The following RALGAPA2 variants were observed in gnomAD, a reference collection of about 807,000 sequenced individuals.
The protein encoded by RALGAPA2 is Ral GTPase activating protein catalytic subunit alpha 2, also known as ral GTPase-activating protein subunit alpha-2.
In RALGAPA2, 139 loss-of-function variants were observed where a neutral mutation model predicts 230.4. The observed-to-expected ratio is 0.60, with a 90% CI of 0.53 to 0.69. RALGAPA2 has a LOEUF of 0.69. RALGAPA2 is among the 30% of genes least tolerant of loss of function. The probability of loss-of-function intolerance (pLI) is 0.00; values close to 1 mark genes in which losing one functional copy is unlikely to be tolerated. For synonymous variants in RALGAPA2, 847 were observed against 837.8 expected (o/e 1.01, Z -0.19); for missense variants, 2,163 against 2,276.0 (o/e 0.95, Z 1.01).
chr20:20,625,048 C>G (rs1260216610), intron 10 of RALGAPA2, among the ~76,000 whole-genome samples: 1 of 152,136 alleles, frequency 6.6e-6, no homozygotes, highest in Non-Finnish European at 1.5e-5. Flanking sequence ...CTCCCTCTTG[C>G]TTTTCTGCCT....
At chr20:20,468,767 C>T (rs2061475713) in intron 37 of RALGAPA2, among the ~76,000 whole-genome samples, 1 of 152,086 alleles carries the variant, frequency 6.6e-6, no homozygotes, top group African/African-American at 2.4e-5. Context: ...GACCACCGTT[C>T]TATTCTTCTC....
At chr20:20,517,940 G>A (rs942889959) in intron 31 of RALGAPA2, among the ~76,000 whole-genome samples, 23 of 152,218 alleles carry the variant, frequency 1.5e-4, no homozygotes, top group Middle Eastern at 3.4e-3. Context: ...GATCACACTA[G>A]CTTCCTAGCA....
chr20:20,701,189 C>G (rs750861645), intron 1 of RALGAPA2, among the ~76,000 whole-genome samples: 15 of 152,168 alleles, frequency 9.9e-5, no homozygotes, highest in Non-Finnish European at 2.1e-4. Flanking sequence ...GAACAAGGTT[C>G]TTAACCTGTC....
In RALGAPA2 at chr20:20,437,010, G is replaced by A. The variant is rs1004742643; in HGVS notation, c.5496-24862C>T. On this transcript the variant is annotated intron_variant, in intron 37 of 39. Transcript: ENST00000202677. The surrounding 1 kb of genome is among the most constrained non-coding windows in gnomAD (Gnocchi z 4.1). ...GAGGCTCCGAGCTCTGAATGCTGCC[G>A]GTGGGACCTTGGCAAGGTCCCCATC... is the stretch of plus-strand genomic sequence containing the variant. Among the ~76,000 whole-genome samples the A allele has an allele frequency of 1.4e-4, 22 of 152,202 alleles. No homozygotes were observed. Among genetic ancestry groups the A allele is most frequent in the African/African-American group, 4.3e-4 (18 of 41,450 alleles).
At chr20:20,659,095 C>A (rs546178700) in intron 3 of RALGAPA2, among the ~76,000 whole-genome samples, 1 of 152,280 alleles carries the variant, frequency 6.6e-6, no homozygotes, top group East Asian at 1.9e-4. Context: ...TTTAAAAGAA[C>A]AGAGGTCTTA....
chr20:20,470,665 G>GA (rs1467500784), intron 37 of RALGAPA2, among the ~76,000 whole-genome samples: 1 of 151,968 alleles, frequency 6.6e-6, no homozygotes, highest in Non-Finnish European at 1.5e-5. Flanking sequence ...CAAAAAATAG[G>GA]AAAAAATGCC....
chr20:20,656,247 GA>G (rs1333133689), intron 3 of RALGAPA2, among the ~76,000 whole-genome samples: 1 of 152,202 alleles, frequency 6.6e-6, no homozygotes, highest in Non-Finnish European at 1.5e-5. Flanking sequence ...CGAATCCAAG[GA>G]GAAATCTTTG....
At chr20:20,611,227 T>C in intron 14 of RALGAPA2, 88 bp downstream of exon 14, 15 of 1,445,116 alleles carry the variant, frequency 1.0e-5, no homozygotes, top group Non-Finnish European at 1.4e-5. Flanking sequence ...TTTAATATTA[T>C]TTTTAAAATT....
chr20:20,582,964 G>C (rs1285206130), intron 20 of RALGAPA2, 86 bp downstream of exon 20: 10 of 1,411,284 alleles, frequency 7.1e-6, no homozygotes, highest in Non-Finnish European at 9.7e-6. Context: ...AACTGTTTCA[G>C]AACCCTCTGT....
intron 38 of RALGAPA2, among the ~76,000 whole-genome samples, chr20:20,407,860 C>T (rs1392224902): frequency 6.6e-6 from 1 of 152,212 alleles, no homozygotes; most frequent in Non-Finnish European, 1.5e-5. Context: ...ATGGCAGTGG[C>T]ATCCTAAGAC....
chr20:20,599,697 C>T (rs2065573208), intron 16 of RALGAPA2, among the ~76,000 whole-genome samples: 1 of 152,094 alleles, frequency 6.6e-6, no homozygotes, highest in Non-Finnish European at 1.5e-5. Flanking sequence ...ATTCGAATTC[C>T]CAATAGGCTG....
chr20:20,499,906 T>A (rs1190998244), intron 35 of RALGAPA2, among the ~76,000 whole-genome samples: 1 of 152,184 alleles, frequency 6.6e-6, no homozygotes, highest in African/African-American at 2.4e-5. Flanking sequence ...CGCAATAGGT[T>A]TTTTAGATAT....
At chr20:20,569,698 C>T (rs2064561886) in intron 23 of RALGAPA2, among the ~76,000 whole-genome samples, 1 of 151,922 alleles carries the variant, frequency 6.6e-6, no homozygotes, top group Admixed American at 6.6e-5. Flanking sequence ...CTTATTTCAT[C>T]TCATTTTACT....
At chr20:20,644,283 T>C (rs2067137753) in intron 4 of RALGAPA2, among the ~76,000 whole-genome samples, 1 of 152,188 alleles carries the variant, frequency 6.6e-6, no homozygotes, top group African/African-American at 2.4e-5. Flanking sequence ...AGAACTTTCC[T>C]CTCAGTCAAA....
In RALGAPA2 at chr20:20,635,940, A is replaced by G. The variant is rs148102349; in HGVS notation, c.806-323T>C. Among the ~76,000 whole-genome samples, 1,100 of 152,360 alleles carry G rather than the reference A, an allele frequency of 7.2e-3. 10 individuals carry two copies. Among genetic ancestry groups the G allele is most frequent in the African/African-American group, 0.025 (1,056 of 41,588 alleles). On this transcript the variant is annotated intron_variant, in intron 8 of 39. Coordinates refer to ENST00000202677, the MANE Select transcript of RALGAPA2 (RefSeq NM_020343.4). ...TAATAGTAAACATCTTTTCACATAC[A>G]TTATACCTAATTTAATTTTATTTTA...
chr20:20,449,660 C>T (rs554730116), intron 37 of RALGAPA2, among the ~76,000 whole-genome samples: 4 of 151,746 alleles, frequency 2.6e-5, no homozygotes, highest in East Asian at 1.9e-4. Flanking sequence ...TTTTTTCCCC[C>T]GGACCTAATT....
intron 14 of RALGAPA2, among the ~76,000 whole-genome samples, chr20:20,606,857 C>A (rs1395040863): frequency 6.6e-6 from 1 of 152,174 alleles, no homozygotes; most frequent in Admixed American, 6.5e-5. Context: ...CCATTCCTTA[C>A]CTCTGCCAAA....
chr20:20,626,481 C>T (rs138434822), intron 10 of RALGAPA2, among the ~76,000 whole-genome samples: 1 of 152,130 alleles, frequency 6.6e-6, no homozygotes, highest in African/African-American at 2.4e-5. Context: ...CCTCAATGAT[C>T]AAAACTACTT....
At chr20:20,570,141 G>A (rs1428423880) in intron 23 of RALGAPA2, among the ~76,000 whole-genome samples, 1 of 152,134 alleles carries the variant, frequency 6.6e-6, no homozygotes, top group Non-Finnish European at 1.5e-5. Flanking sequence ...AAATAAATGA[G>A]ATTATGGGAC....
Sources: gnomAD v4.1 joint callset for allele counts (sites outside exome capture counted in the v4.1 genomes callset) on GRCh38, gnomAD v4.1.1 for gene constraint, Gnocchi (gnomAD v3.1) non-coding constraint, MANE v1.5 for transcripts, NCBI Gene and HGNC (gene_info 2026-07-23, HGNC 2026-07-21) for gene names.